Variants in ARMH3 observed in about 807,000 individuals in gnomAD.
ARMH3 encodes armadillo-like helical domain-containing protein 3.
Under a neutral mutation model 99.1 loss-of-function variants are expected in ARMH3, and 60 were observed. The observed-to-expected ratio is 0.61, with a 90% CI of 0.49 to 0.75. The LOEUF (loss-of-function observed/expected upper bound fraction) is 0.75. ARMH3 is among the 30% of genes least tolerant of loss of function. ARMH3 has a pLI of 0.00. For missense variants in ARMH3, 679 were observed against 843.1 expected (o/e 0.81, Z 2.41); for synonymous variants, 285 against 292.8 (o/e 0.97, Z 0.27).
chr10:101,940,606 T>C (rs1483659054), intron 22 of ARMH3, among the ~76,000 whole-genome samples: 1 of 151,996 alleles, frequency 6.6e-6, no homozygotes, highest in African/African-American at 2.4e-5. Context: ...CCCCCATCCC[T>C]CCACCCCACA....
At chr10:101,907,396 T>C (rs1842679095) in intron 23 of ARMH3, among the ~76,000 whole-genome samples, 1 of 151,704 alleles carries the variant, frequency 6.6e-6, no homozygotes, top group Admixed American at 6.6e-5. Flanking sequence ...TTTTTTTTTT[T>C]TTTTGAGACA....
At chr10:101,957,098 G>A (rs1048345664) in intron 21 of ARMH3, among the ~76,000 whole-genome samples, 1 of 152,210 alleles carries the variant, frequency 6.6e-6, no homozygotes, top group Non-Finnish European at 1.5e-5. Context: ...TTGATAGCTT[G>A]AAATTGGCCA....
At chr10:101,997,318 G>A (rs989377617) in intron 15 of ARMH3, among the ~76,000 whole-genome samples, 4 of 151,938 alleles carry the variant, frequency 2.6e-5, no homozygotes, top group South Asian at 2.1e-4. Context: ...TCTGGGCCAC[G>A]CGTGGTGGCT....
chr10:102,021,960 G>A (rs568675156), intron 8 of ARMH3, among the ~76,000 whole-genome samples: 7 of 152,118 alleles, frequency 4.6e-5, no homozygotes, highest in African/African-American at 7.2e-5. Flanking sequence ...AAAGCACTAG[G>A]ATTACAGGTG....
intron 5 of ARMH3, among the ~76,000 whole-genome samples, chr10:102,025,682 TGTCTGTCA>T (rs2066985305): frequency 6.6e-6 from 1 of 152,170 alleles, no homozygotes; most frequent in Non-Finnish European, 1.5e-5. Flanking sequence ...AGTCTCACTC[TGTCTGTCA>T]GTCAGGCTGG....
chr10:101,897,495 T>A (rs1396164458), intron 23 of ARMH3, among the ~76,000 whole-genome samples: 2 of 152,238 alleles, frequency 1.3e-5, no homozygotes, highest in Non-Finnish European at 2.9e-5. Flanking sequence ...AAAGCTTTTC[T>A]TCCTCTTAAG....
chr10:101,997,063 G>C (rs1847092814), intron 15 of ARMH3, among the ~76,000 whole-genome samples: 1 of 152,110 alleles, frequency 6.6e-6, no homozygotes, highest in Admixed American at 6.5e-5. Flanking sequence ...TCAGGAGTTG[G>C]AGACAAGCTT....
intron 8 of ARMH3, among the ~76,000 whole-genome samples, chr10:102,014,826 A>G (rs966948194): frequency 6.6e-6 from 1 of 152,194 alleles, no homozygotes; most frequent in Non-Finnish European, 1.5e-5. Context: ...ATGAGAACCA[A>G]TGACCTCTCC....
At chr10:101,900,421 T>C (rs1393050791) in intron 23 of ARMH3, among the ~76,000 whole-genome samples, 1 of 152,116 alleles carries the variant, frequency 6.6e-6, no homozygotes, top group Non-Finnish European at 1.5e-5. Flanking sequence ...TCCTAACACA[T>C]ACCTAAGAGG....
chr10:101,962,734 C>A (rs1350278830), intron 20 of ARMH3, among the ~76,000 whole-genome samples: 3 of 152,132 alleles, frequency 2.0e-5, no homozygotes, highest in African/African-American at 7.2e-5. Flanking sequence ...AAGGACAAAT[C>A]ATGCTGGGGA....
At chr10:101,870,156 T>C (rs2067100978) in intron 24 of ARMH3, among the ~76,000 whole-genome samples, 1 of 152,212 alleles carries the variant, frequency 6.6e-6, no homozygotes, top group South Asian at 2.1e-4. Context: ...AAGACACACA[T>C]TACTCATATC....
intron 24 of ARMH3, among the ~76,000 whole-genome samples, chr10:101,866,466 A>G (rs1393863470): frequency 6.8e-6 from 1 of 146,828 alleles, no homozygotes; most frequent in East Asian, 2.0e-4. Context: ...AAATGAATCC[A>G]GTGTAAGGAC....
At position 101,866,494 on chromosome 10, in the gene ARMH3, A is replaced by AG. The variant is rs934538511; in HGVS notation, c.1861-16603_1861-16602insC. Reference sequence around the variant, plus strand: ...GTAAGGACAAGTGTAAAAAAAAAAAAAAAAGAAAAGAAAAGGAAAAGAAAT... The same window carrying AG: ...GTAAGGACAAGTGTAAAAAAAAAAAAGAAAAGAAAAGAAAAGGAAAAGAAAT... On this transcript the variant is annotated intron_variant, in intron 24 of 25. Coordinates refer to ENST00000370033, the MANE Select transcript of ARMH3 (RefSeq NM_024541.3). Among the ~76,000 whole-genome samples, 8 of 151,884 alleles carry AG rather than the reference A, an allele frequency of 5.3e-5. No individual in the cohort carries two copies. The East Asian group carries it at 9.7e-4, about 18-fold the overall frequency.
chr10:102,009,231 G>C, intron 13 of ARMH3, 143 bp downstream of exon 13: 2 of 727,368 alleles, frequency 2.7e-6, no homozygotes. Flanking sequence ...AGGAAACAAA[G>C]GCAACTGATT....
chr10:101,964,128 G>A (rs563040985), intron 20 of ARMH3, among the ~76,000 whole-genome samples: 5 of 152,122 alleles, frequency 3.3e-5, no homozygotes, highest in South Asian at 2.1e-4. Context: ...CGCCCACTTC[G>A]GCCTCCCAAA....
intron 8 of ARMH3, among the ~76,000 whole-genome samples, chr10:102,021,793 G>A (rs575371834): frequency 2.6e-5 from 4 of 152,158 alleles, no homozygotes; most frequent in Non-Finnish European, 4.4e-5. Flanking sequence ...TGATCCACCC[G>A]CCTCAGCCTC....
chr10:101,879,927 C>A (rs1309701889), intron 24 of ARMH3, among the ~76,000 whole-genome samples: 2 of 152,114 alleles, frequency 1.3e-5, no homozygotes, highest in East Asian at 1.9e-4. Context: ...CTTGTAAAAC[C>A]CCACCTCATC....
chr10:101,873,814 C>T (rs1476191338), intron 24 of ARMH3, among the ~76,000 whole-genome samples: 1 of 152,116 alleles, frequency 6.6e-6, no homozygotes, highest in Non-Finnish European at 1.5e-5. Context: ...GTATCAGTAC[C>T]TCCTTCTTTT....
At chr10:101,932,252 C>T (rs982029622) in intron 23 of ARMH3, among the ~76,000 whole-genome samples, 1 of 152,162 alleles carries the variant, frequency 6.6e-6, no homozygotes, top group Non-Finnish European at 1.5e-5. Flanking sequence ...AAATGGAAAA[C>T]AGGAGAGAGG....
Sources: gnomAD v4.1 joint callset for allele counts (sites outside exome capture counted in the v4.1 genomes callset) on GRCh38, gnomAD v4.1.1 for gene constraint, MANE v1.5 for transcripts, NCBI Gene and HGNC (gene_info 2026-07-23, HGNC 2026-07-21) for gene names.